Variants in PDE4B observed in about 807,000 individuals in gnomAD.
PDE4B encodes the protein 3',5'-cyclic-AMP phosphodiesterase 4B.
A neutral mutation model predicts 82.2 loss-of-function variants in PDE4B; 20 were observed. The ratio of observed to expected loss-of-function variants is 0.24; its 90% CI spans 0.17 to 0.35. The LOEUF is 0.35. Ranked by LOEUF, PDE4B falls within the 10% of genes least tolerant of loss-of-function variation. The pLI, the probability that PDE4B is intolerant of heterozygous loss-of-function variation, is 1.00. For missense variants in PDE4B, 655 were observed against 907.2 expected, an observed-to-expected ratio of 0.72 and a Z score of 3.57; for synonymous variants, 320 against 318.9, an observed-to-expected ratio of 1.00 and a Z score of -0.04.
chr1:66,054,064 C>T (rs1655177640), intron 3 of PDE4B, among the ~76,000 whole-genome samples: 1 of 152,098 alleles, frequency 6.6e-6, no homozygotes, highest in Admixed American at 6.6e-5. Flanking sequence ...GCACCTAGCT[C>T]TTCTGTTTCT....
intron 1 of PDE4B, among the ~76,000 whole-genome samples, chr1:65,848,278 A>G (rs1571010819): frequency 6.6e-6 from 1 of 152,044 alleles, no homozygotes; most frequent in East Asian, 1.9e-4. Flanking sequence ...AGCTGAGACT[A>G]CAGGCATGTG....
At chr1:66,243,356 C>T (rs1349465875) in intron 3 of PDE4B, among the ~76,000 whole-genome samples, 1 of 152,162 alleles carries the variant, frequency 6.6e-6, no homozygotes, top group Non-Finnish European at 1.5e-5. Flanking sequence ...TTTTTGAAGA[C>T]CTACTGTTTA....
intron 16 of PDE4B, among the ~76,000 whole-genome samples, chr1:66,370,150 C>CAAAAAAAAAAAAAAAAAAAAA (rs752920376): frequency 3.5e-5 from 1 of 28,654 alleles, no homozygotes; most frequent in Non-Finnish European, 8.3e-5. Flanking sequence ...GACTCTATCT[C>CAAAAAAAAAAAAAAAAAAAAA]AAAAAAAAAA....
chr1:66,039,163 G>C (rs1485274220), intron 3 of PDE4B, among the ~76,000 whole-genome samples: 1 of 151,952 alleles, frequency 6.6e-6, no homozygotes, highest in African/African-American at 2.4e-5. Context: ...GGCAGAATTT[G>C]GAAAATATTG....
At position 65,853,115 on chromosome 1, in the gene PDE4B, T is replaced by C. The variant is rs539848435; in HGVS notation, c.-71+59867T>C. 5.9e-5 allele frequency among the ~76,000 whole-genome samples: 9 copies of C among 152,278 alleles called. No individual in the cohort carries two copies. The South Asian group carries it at 1.9e-3, about 32-fold the overall frequency. ...TTCTATGCCCTCTTGATCAGTTGAC[T>C]CCATTATCATTGTGACATGCTTCTT... On this transcript the variant is annotated intron_variant, in intron 1 of 16. Transcript: ENST00000341517.
chr1:66,185,415 C>G (rs1297150799), intron 3 of PDE4B, among the ~76,000 whole-genome samples: 1 of 152,166 alleles, frequency 6.6e-6, no homozygotes, highest in African/African-American at 2.4e-5. Context: ...GGAATCGCCA[C>G]ATTGACTTCC....
At chr1:66,202,681 T>C (rs1488561199) in intron 3 of PDE4B, among the ~76,000 whole-genome samples, 3 of 152,122 alleles carry the variant, frequency 2.0e-5, no homozygotes, top group East Asian at 3.8e-4. Context: ...CCTGCCTTTT[T>C]TTGTTTTCCA....
At chr1:65,837,928 C>T (rs1311918435) in intron 1 of PDE4B, among the ~76,000 whole-genome samples, 1 of 152,066 alleles carries the variant, frequency 6.6e-6, no homozygotes, top group African/African-American at 2.4e-5. Context: ...TACCTTGTTC[C>T]CCTCTATGTG....
At chr1:66,022,122 T>C (rs1439600420) in intron 3 of PDE4B, among the ~76,000 whole-genome samples, 1 of 152,176 alleles carries the variant, frequency 6.6e-6, no homozygotes, top group East Asian at 1.9e-4. Context: ...CTGTTATTGG[T>C]GTATAGGAAT....
chr1:66,279,599 C>T (rs1258237968), intron 7 of PDE4B, among the ~76,000 whole-genome samples: 3 of 151,390 alleles, frequency 2.0e-5, no homozygotes, highest in African/African-American at 4.9e-5. Context: ...CACTCCAGAG[C>T]GAGACTCTGT....
chr1:65,992,034 A>C lies in PDE4B; in HGVS notation c.281+73199A>C, dbSNP rs867210557. Among the ~76,000 whole-genome samples the C allele has an allele frequency of 7.9e-5, 12 of 152,316 alleles. No homozygotes were observed. The Middle Eastern group carries it at 0.01, about 130-fold the overall frequency. ...AATGAGGGTAATGTTTATTGTAATAAAGATTGGGCATTAAATTCCTTGGGG... is the reference window on the plus strand; with the variant it reads ...AATGAGGGTAATGTTTATTGTAATACAGATTGGGCATTAAATTCCTTGGGG... On this transcript the variant is annotated intron_variant, in intron 3 of 16. Transcript: ENST00000341517.
chr1:65,931,613 C>T (rs1022713618), intron 3 of PDE4B, among the ~76,000 whole-genome samples: 3 of 152,150 alleles, frequency 2.0e-5, no homozygotes, highest in African/African-American at 7.2e-5. Context: ...CTCCTTCCCC[C>T]AACGAACCCA....
chr1:66,328,036 G>T (rs945366739), intron 7 of PDE4B, among the ~76,000 whole-genome samples: 1 of 152,174 alleles, frequency 6.6e-6, no homozygotes. Context: ...TCCTACTTCC[G>T]TATCTATCAC....
intron 3 of PDE4B, among the ~76,000 whole-genome samples, chr1:66,059,323 A>T (rs1278983365): frequency 6.6e-6 from 1 of 152,000 alleles, no homozygotes; most frequent in Non-Finnish European, 1.5e-5. Flanking sequence ...TTCTGAGCCC[A>T]CCAAACTGTT....
chr1:65,938,805 A>T (rs1648289206), intron 3 of PDE4B, among the ~76,000 whole-genome samples: 1 of 152,062 alleles, frequency 6.6e-6, no homozygotes, highest in Non-Finnish European at 1.5e-5. Flanking sequence ...TAGTGTGGAG[A>T]GATGCAATTT....
chr1:66,228,006 C>T (rs573257819), intron 3 of PDE4B, among the ~76,000 whole-genome samples: 1 of 152,330 alleles, frequency 6.6e-6, no homozygotes, highest in African/African-American at 2.4e-5. Flanking sequence ...ACCCCACTCT[C>T]ATTTCCTGCT....
At position 66,177,680 on chromosome 1, in the gene PDE4B, G is replaced by A. The variant is rs188655111; in HGVS notation, c.282-69780G>A. Among the ~76,000 whole-genome samples, 378 of 122,894 alleles carry A rather than the reference G, an allele frequency of 3.1e-3. 3 individuals are homozygous for A. The highest frequency in any genetic ancestry group is 0.023 in the Admixed American group (275 of 11,858). The allele number at this position is 122,894 out of a possible 152,430, so 80.6% of individuals were successfully genotyped here. A position where few individuals can be genotyped will look rare whatever the true frequency, so the allele number is the denominator to read the frequency against. On this transcript the variant is annotated intron_variant, in intron 3 of 16. Transcript: ENST00000341517. ...GTCAAGTTTAGGTTGTGTCCACAGC[G>A]CATTGAAGCCAGATAATAAATAATG...
intron 3 of PDE4B, among the ~76,000 whole-genome samples, chr1:66,195,592 G>A (rs1260522851): frequency 6.6e-6 from 1 of 152,168 alleles, no homozygotes; most frequent in East Asian, 1.9e-4. Flanking sequence ...TGAGATCTTA[G>A]CTCTGCTATA....
intron 1 of PDE4B, among the ~76,000 whole-genome samples, chr1:65,891,429 G>C (rs1280613147): frequency 1.3e-5 from 2 of 151,908 alleles, no homozygotes; most frequent in Non-Finnish European, 2.9e-5. Flanking sequence ...ACTTTTTATA[G>C]CCCTTATAAA....
Sources: allele counts gnomAD v4.1 joint callset (sites outside exome capture counted in the v4.1 genomes callset), GRCh38; gene constraint gnomAD v4.1.1; transcripts MANE v1.5; gene names NCBI Gene and HGNC (gene_info 2026-07-23, HGNC 2026-07-21).